The following CSMD1 variants were observed in gnomAD, a reference collection of about 807,000 sequenced individuals.
The protein encoded by CSMD1 is CUB and sushi domain-containing protein 1.
CSMD1 carries 213 observed loss-of-function variants against 417.5 expected under a neutral mutation model. The ratio of observed to expected loss-of-function variants is 0.51; its 90% confidence interval spans 0.46 to 0.57. CSMD1 has a LOEUF of 0.57. CSMD1 is among the 20% of genes least tolerant of loss of function. The pLI is 0.00. For missense variants in CSMD1, 6,923 were observed against 4,529.7 expected (o/e 1.53, Z -15.17); for synonymous variants, 2,862 against 1,736.8 (o/e 1.65, Z -16.11).
intron 63 of CSMD1, among the ~76,000 whole-genome samples, chr8:2,956,221 C>A (rs1802998459): frequency 6.6e-6 from 1 of 151,830 alleles, no homozygotes; most frequent in African/African-American, 2.4e-5. Flanking sequence ...GTGGAAACTA[C>A]CAAATTTATT....
intron 1 of CSMD1, among the ~76,000 whole-genome samples, chr8:4,988,975 G>A (rs1199096998): frequency 6.6e-6 from 1 of 152,146 alleles, no homozygotes; most frequent in Non-Finnish European, 1.5e-5. Flanking sequence ...AAGGACTAAA[G>A]TCCATCCAAA....
chr8:4,797,349 G>C (rs1421099446), intron 1 of CSMD1, among the ~76,000 whole-genome samples: 1 of 152,208 alleles, frequency 6.6e-6, no homozygotes, highest in African/African-American at 2.4e-5. Flanking sequence ...TGAAGCAGGA[G>C]AAAGGGAGCA....
At chr8:4,412,364 C>T (rs919603692) in intron 3 of CSMD1, among the ~76,000 whole-genome samples, 1 of 152,152 alleles carries the variant, frequency 6.6e-6, no homozygotes, top group Non-Finnish European at 1.5e-5. Context: ...GCACCTCTCA[C>T]TCCTCCCCTT....
intron 3 of CSMD1, among the ~76,000 whole-genome samples, chr8:4,256,909 C>A (rs1444787137): frequency 1.3e-5 from 2 of 152,176 alleles, no homozygotes; most frequent in Non-Finnish European, 2.9e-5. Flanking sequence ...AATGAGTTTG[C>A]AGAATTTATT....
intron 5 of CSMD1, among the ~76,000 whole-genome samples, chr8:3,919,620 C>T (rs891922811): frequency 2.0e-5 from 3 of 152,016 alleles, no homozygotes; most frequent in African/African-American, 7.2e-5. Flanking sequence ...TATCTCTGGT[C>T]TTTTGTGATT....
intron 3 of CSMD1, among the ~76,000 whole-genome samples, chr8:4,089,284 C>A (rs1453707303): frequency 1.3e-5 from 2 of 152,126 alleles, no homozygotes; most frequent in Non-Finnish European, 2.9e-5. Context: ...AGTGGGGTGC[C>A]TGCCAACTTG....
chr8:3,771,373 C>A (rs778548500), intron 5 of CSMD1, among the ~76,000 whole-genome samples: 2 of 152,148 alleles, frequency 1.3e-5, no homozygotes, highest in Non-Finnish European at 2.9e-5. Flanking sequence ...TTGCTTCACA[C>A]TCTGCAAAAA....
chr8:4,337,799 T>C (rs1019941572), intron 3 of CSMD1, among the ~76,000 whole-genome samples: 4 of 152,170 alleles, frequency 2.6e-5, no homozygotes, highest in Non-Finnish European at 4.4e-5. Context: ...CTCTGATAAA[T>C]TTTTAATCAG....
chr8:4,470,673 C>T (rs2130045141), intron 2 of CSMD1, among the ~76,000 whole-genome samples: 1 of 152,208 alleles, frequency 6.6e-6, no homozygotes, highest in South Asian at 2.1e-4. Context: ...GCCATTAGTG[C>T]TTTTTGAAAA....
chr8:3,686,205 G>C (rs1371583055), intron 7 of CSMD1, among the ~76,000 whole-genome samples: 3 of 152,174 alleles, frequency 2.0e-5, no homozygotes, highest in South Asian at 4.1e-4. Flanking sequence ...TGTGAAGTTA[G>C]AGTGTGGGTC....
At chr8:4,496,495 G>GT in intron 2 of CSMD1, among the ~76,000 whole-genome samples, 1 of 152,336 alleles carries the variant, frequency 6.6e-6, no homozygotes, top group East Asian at 1.9e-4. Flanking sequence ...TGCGGAACTT[G>GT]TAAGTCGGGT....
chr8:3,339,121 T>G (rs1272047190), intron 23 of CSMD1, among the ~76,000 whole-genome samples: 1 of 151,958 alleles, frequency 6.6e-6, no homozygotes, highest in East Asian at 1.9e-4. Context: ...TTACTGAGAA[T>G]GATGATTTCC....
chr8:3,759,665 C>T (rs1465756657), intron 5 of CSMD1, among the ~76,000 whole-genome samples: 2 of 149,588 alleles, frequency 1.3e-5, no homozygotes, highest in South Asian at 2.1e-4. Flanking sequence ...AGGCCAAGGT[C>T]AGCGGACCAC....
At chr8:4,938,667 C>T (rs770370336) in intron 1 of CSMD1, among the ~76,000 whole-genome samples, 1 of 152,098 alleles carries the variant, frequency 6.6e-6, no homozygotes, top group Non-Finnish European at 1.5e-5. Flanking sequence ...ACTCCAGGAT[C>T]AAGCCTCATG....
At chr8:4,495,389 C>T (rs1205546081) in intron 2 of CSMD1, among the ~76,000 whole-genome samples, 1 of 152,092 alleles carries the variant, frequency 6.6e-6, no homozygotes, top group African/African-American at 2.4e-5. Flanking sequence ...GCATGGCCAA[C>T]GTGGTGAAAC....
chr8:3,524,910 A>C (rs2117475027), intron 10 of CSMD1, among the ~76,000 whole-genome samples: 1 of 152,242 alleles, frequency 6.6e-6, no homozygotes, highest in South Asian at 2.1e-4. Flanking sequence ...AAATAGTAAT[A>C]AACTTGGTAT....
intron 12 of CSMD1, among the ~76,000 whole-genome samples, chr8:3,449,344 G>C (rs1005251990): frequency 2.0e-5 from 3 of 152,084 alleles, no homozygotes; most frequent in Non-Finnish European, 2.9e-5. Context: ...ATATAATCTT[G>C]TTTTCTCTAC....
At chr8:3,816,827 AGGTGT>A (rs1801393755) in intron 5 of CSMD1, among the ~76,000 whole-genome samples, 6 of 152,114 alleles carry the variant, frequency 3.9e-5, no homozygotes, top group Non-Finnish European at 8.8e-5. Flanking sequence ...TTGTGGTTTC[AGGTGT>A]CTACTAGGGG....
At chr8:4,469,980 G>A (rs900812738) in intron 2 of CSMD1, among the ~76,000 whole-genome samples, 1 of 151,594 alleles carries the variant, frequency 6.6e-6, no homozygotes, top group Non-Finnish European at 1.5e-5. Flanking sequence ...CCATCATCCT[G>A]CCTCAGCCTC....
Sources: gnomAD v4.1 joint callset for allele counts (sites outside exome capture counted in the v4.1 genomes callset) on GRCh38, gnomAD v4.1.1 for gene constraint, MANE v1.5 for transcripts, NCBI Gene and HGNC (gene_info 2026-07-23, HGNC 2026-07-21) for gene names.